Variants in CCDC171 observed in about 807,000 individuals in gnomAD.
CCDC171 encodes coiled-coil domain-containing protein 171.
In CCDC171, 177 loss-of-function variants were observed where a neutral mutation model predicts 168.2. The ratio of observed to expected loss-of-function variants is 1.05; its 90% CI spans 0.93 to 1.19. The LOEUF is 1.19. Ranked by LOEUF, CCDC171 falls within the 50% of genes most tolerant of loss-of-function variation. CCDC171 has a pLI of 0.00. For missense variants in CCDC171, 1,991 were observed against 1,539.0 expected, an observed-to-expected ratio of 1.29 and a Z score of -4.91; for synonymous variants, 687 against 540.8, an observed-to-expected ratio of 1.27 and a Z score of -3.75.
chr9:16,017,037 T>A (rs11999462), intron 3 of CCDC171, among the ~76,000 whole-genome samples: 4 of 152,136 alleles, frequency 2.6e-5, no homozygotes, highest in African/African-American at 9.7e-5. Flanking sequence ...ATATTGGATG[T>A]TGGGGCAGGG....
intron 3 of CCDC171, among the ~76,000 whole-genome samples, chr9:15,998,552 G>T (rs926300829): frequency 6.6e-6 from 1 of 152,116 alleles, no homozygotes; most frequent in Non-Finnish European, 1.5e-5. Context: ...GTCTTTCCAG[G>T]ATAGCAGAGG....
rs914195779 is a variant in CCDC171, at chr9:15,639,776, A to G, written c.822+16363A>G. Among the ~76,000 whole-genome samples, 9 of 152,186 alleles carry G rather than the reference A, an allele frequency of 5.9e-5. No individual in the cohort carries two copies. In the East Asian group the frequency reaches 7.7e-4, roughly 13 times the overall value. ...ACTCTGAATCTTTCTATGTTCTGCT[A>G]TGCTTTATATGAGCCTGTTTATGTA... On this transcript the variant is annotated intron_variant, in intron 7 of 25. Coordinates refer to ENST00000380701, the MANE Select transcript of CCDC171 (RefSeq NM_173550.4).
chr9:15,576,353 A>T (rs1563970405), intron 3 of CCDC171, among the ~76,000 whole-genome samples: 1 of 151,414 alleles, frequency 6.6e-6, no homozygotes, highest in African/African-American at 2.4e-5. Flanking sequence ...TGGCTAATTT[A>T]TTATTATTAT....
chr9:15,744,613 T>G lies in CCDC171; in HGVS notation c.2390T>G (p.Leu797Trp), dbSNP rs768917338. The G allele has an allele frequency of 1.2e-6, 2 of 1,614,152 alleles. No individual in the cohort carries two copies. Among genetic ancestry groups the G allele is most frequent in the East Asian group, 4.5e-5 (2 of 44,870 alleles). The change falls in exon 17 of 26, where the codon TTG becomes TGG. Residue 797 changes from leucine (L) to tryptophan (W), a missense_variant. Physicochemically the swap from Leu to Trp is moderately conservative, Grantham distance 61. Transcript: ENST00000380701. ...ATGAAAAAGAAAACATTCAAAGGATTGATACGTATATTTCGGAAAGGTGTT... is the reference window on the plus strand; with the variant it reads ...ATGAAAAAGAAAACATTCAAAGGATGGATACGTATATTTCGGAAAGGTGTT... ...AKMKKKTFKG[L>W]IRIFRKGVIA...
the CCDC171 span, among the ~76,000 whole-genome samples, chr9:16,086,696 T>C: frequency 6.6e-6 from 1 of 152,210 alleles, no homozygotes; most frequent in African/African-American, 2.4e-5. Context: ...TGAAGGGTTT[T>C]CATGTCTCTA....
chr9:15,623,475 G>GCGCCCACA, intron 7 of CCDC171, 62 bp downstream of exon 7: 1 of 311,464 alleles, frequency 3.2e-6, no homozygotes, highest in Non-Finnish European at 5.9e-6. Flanking sequence ...GCGCGCGCGC[G>GCGCCCACA]CACACACACA....
At chr9:15,888,538 G>T (rs1315872775) in intron 24 of CCDC171, among the ~76,000 whole-genome samples, 1 of 152,064 alleles carries the variant, frequency 6.6e-6, no homozygotes, top group Non-Finnish European at 1.5e-5. Context: ...TCAAATTCCA[G>T]GGGTATATGT....
intron 2 of CCDC171, among the ~76,000 whole-genome samples, 158 bp from the exon 3 acceptor site, chr9:15,571,466 T>G (rs2040215931): frequency 6.6e-6 from 1 of 152,192 alleles, no homozygotes; most frequent in East Asian, 1.9e-4. Context: ...CTACATAGCT[T>G]TTGCAGTGGA....
chr9:15,666,976 G>A (rs185174942), intron 9 of CCDC171, among the ~76,000 whole-genome samples: 1 of 152,224 alleles, frequency 6.6e-6, no homozygotes, highest in African/African-American at 2.4e-5. Flanking sequence ...GTATGAGGAA[G>A]GTATTTTAAA....
intron 22 of CCDC171, among the ~76,000 whole-genome samples, chr9:15,847,880 T>G (rs1282605369): frequency 6.6e-6 from 1 of 152,106 alleles, no homozygotes; most frequent in African/African-American, 2.4e-5. Flanking sequence ...AATGTTGGCA[T>G]GTTTGAATAA....
intron 6 of CCDC171, among the ~76,000 whole-genome samples, chr9:16,028,887 C>A (rs1479435874): frequency 3.3e-5 from 5 of 152,154 alleles, no homozygotes; most frequent in Non-Finnish European, 1.5e-5. Flanking sequence ...GCACTTCCAA[C>A]CAACCTTCTT....
At chr9:15,847,595 T>A (rs2060954461) in intron 22 of CCDC171, among the ~76,000 whole-genome samples, 1 of 152,126 alleles carries the variant, frequency 6.6e-6, no homozygotes. Flanking sequence ...GAAAATCTAT[T>A]TTCAAGGAGT....
intron 6 of CCDC171, among the ~76,000 whole-genome samples, chr9:15,614,712 G>C (rs2043957081): frequency 1.3e-5 from 2 of 152,052 alleles, no homozygotes; most frequent in Non-Finnish European, 2.9e-5. Flanking sequence ...CTTCATGTTG[G>C]ATAATTTTTA....
intron 25 of CCDC171, among the ~76,000 whole-genome samples, chr9:15,957,581 C>G (rs1380420529): frequency 6.6e-6 from 1 of 152,132 alleles, no homozygotes; most frequent in African/African-American, 2.4e-5. Context: ...CCCTCTTTTC[C>G]CCTTTTCTGC....
chr9:15,935,716 CT>C (rs1249315982), intron 25 of CCDC171, among the ~76,000 whole-genome samples: 1 of 151,868 alleles, frequency 6.6e-6, no homozygotes, highest in African/African-American at 2.4e-5. Flanking sequence ...GGAGTATTTC[CT>C]TTTTTTATGC....
intron 19 of CCDC171, among the ~76,000 whole-genome samples, chr9:15,778,229 G>A (rs867044740): frequency 6.9e-6 from 1 of 144,022 alleles, no homozygotes; most frequent in East Asian, 2.2e-4. Context: ...CCCGGGAAGC[G>A]GAGCTTGCAG....
Position 15,618,690 on chromosome 9 carries a change from A to G in CCDC171, c.676-4577A>G, listed in dbSNP as rs144282991. On this transcript the variant is annotated intron_variant, in intron 6 of 25. Transcript: ENST00000380701. Reference sequence around the variant, plus strand: ...CCTGATCTGCGGATTGCAAAAATCCATGGGAAAAGCGTAGTACTCAGGGCG... The same window carrying G: ...CCTGATCTGCGGATTGCAAAAATCCGTGGGAAAAGCGTAGTACTCAGGGCG... Among the ~76,000 whole-genome samples the G allele has an allele frequency of 9.7e-3, 1,480 of 152,258 alleles. 27 individuals are homozygous for G. Among genetic ancestry groups the G allele is most frequent in the African/African-American group, 0.034 (1,415 of 41,558 alleles).
At chr9:15,559,770 A>G (rs1223605119) in intron 1 of CCDC171, among the ~76,000 whole-genome samples, 1 of 152,130 alleles carries the variant, frequency 6.6e-6, no homozygotes, top group Non-Finnish European at 1.5e-5. Flanking sequence ...TGATCCTGTC[A>G]TTATGATGTT....
chr9:15,806,597 G>A (rs947653041), intron 21 of CCDC171, among the ~76,000 whole-genome samples: 2 of 152,002 alleles, frequency 1.3e-5, no homozygotes, highest in Non-Finnish European at 1.5e-5. Context: ...TTCTGTTGAG[G>A]AGTTCACACT....
Sources: gnomAD v4.1 joint callset for allele counts (sites outside exome capture counted in the v4.1 genomes callset) on GRCh38, gnomAD v4.1.1 for gene constraint, MANE v1.5 for transcripts, NCBI Gene and HGNC (gene_info 2026-07-23, HGNC 2026-07-21) for gene names.